The following PTCHD4 variants were observed in gnomAD, a reference collection of about 807,000 sequenced individuals.
The protein encoded by PTCHD4 is patched domain-containing protein 4.
PTCHD4 carries 33 observed loss-of-function variants against 58.1 expected under a neutral mutation model. The observed-to-expected ratio is 0.57, with a 90% CI of 0.43 to 0.76. The LOEUF (loss-of-function observed/expected upper bound fraction) is 0.76. Among genes scored for constraint, PTCHD4 ranks in the 30% least tolerant of loss-of-function variants. The pLI is 0.00. For missense variants in PTCHD4, 1,058 were observed against 1,027.1 expected (o/e 1.03, Z -0.41); for synonymous variants, 478 against 409.6 (o/e 1.17, Z -2.02).
At chr6:47,956,974 G>A (rs933883675) in intron 4 of PTCHD4, among the ~76,000 whole-genome samples, 5 of 151,726 alleles carry the variant, frequency 3.3e-5, no homozygotes, top group Admixed American at 3.3e-4. Context: ...GACCAGCCTG[G>A]CCAACATGGT....
Position 47,867,169 on chromosome 6 carries a change from T to C in PTCHD4, c.*11134A>G, listed in dbSNP as rs1031705295. 1.3e-5 allele frequency among the ~76,000 whole-genome samples: 2 copies of C among 151,756 alleles called. No homozygotes were observed. The highest frequency in any genetic ancestry group is 1.3e-4 in the Admixed American group (2 of 15,198). On this transcript the variant is annotated 3_prime_UTR_variant, in exon 5 of 5. Transcript: ENST00000339488. ...TTAACAGAGATAGTTAATTGGAGTG[T>C]ATTAGTTTGAGCTGTTTGTTCTGGA...
At chr6:47,919,175 C>T (rs547943143) in intron 4 of PTCHD4, among the ~76,000 whole-genome samples, 32 of 152,172 alleles carry the variant, frequency 2.1e-4, no homozygotes, top group African/African-American at 7.5e-4. Flanking sequence ...AGCAATTGAA[C>T]CCAAACTCAC....
At chr6:48,103,761 C>G (rs1582142338) in intron 1 of PTCHD4, among the ~76,000 whole-genome samples, 1 of 152,240 alleles carries the variant, frequency 6.6e-6, no homozygotes, top group East Asian at 1.9e-4. Context: ...CTTAAAGGAA[C>G]TGATGGAGCT....
At chr6:47,992,327 G>A (rs895286288) in intron 4 of PTCHD4, among the ~76,000 whole-genome samples, 15 of 152,016 alleles carry the variant, frequency 9.9e-5, no homozygotes, top group African/African-American at 1.4e-4. Flanking sequence ...ACATATGCAC[G>A]CACGTAATAA....
chr6:47,999,246 C>A (rs766945932), intron 4 of PTCHD4, among the ~76,000 whole-genome samples: 1 of 152,174 alleles, frequency 6.6e-6, no homozygotes, highest in African/African-American at 2.4e-5. Flanking sequence ...GAGGCAGGAG[C>A]TGGACTGGAC....
intron 4 of PTCHD4, among the ~76,000 whole-genome samples, chr6:47,930,207 G>A (rs1765765325): frequency 6.6e-6 from 1 of 152,130 alleles, no homozygotes; most frequent in Non-Finnish European, 1.5e-5. Context: ...CTCTCTGAAA[G>A]GGTAAAAAAG....
chr6:48,086,647 G>A (rs1352104815), intron 1 of PTCHD4, among the ~76,000 whole-genome samples: 1 of 152,094 alleles, frequency 6.6e-6, no homozygotes, highest in African/African-American at 2.4e-5. Flanking sequence ...GTGTCTATGA[G>A]TAGGAGACAG....
At chr6:48,050,533 C>T (rs1160024379) in intron 3 of PTCHD4, among the ~76,000 whole-genome samples, 1 of 152,028 alleles carries the variant, frequency 6.6e-6, no homozygotes. Context: ...TAACAAGTTA[C>T]TTAACTATCT....
At chr6:48,041,694 C>T (rs115019924) in intron 3 of PTCHD4, among the ~76,000 whole-genome samples, 1,668 of 152,080 alleles carry the variant, frequency 0.011, 12 homozygotes, top group Non-Finnish European at 0.019. Context: ...AGCCCCCTTA[C>T]TTCCTGTTGA....
chr6:47,946,073 G>A (rs1184068035), intron 4 of PTCHD4, among the ~76,000 whole-genome samples: 3 of 151,914 alleles, frequency 2.0e-5, no homozygotes, highest in Non-Finnish European at 2.9e-5. Flanking sequence ...AGAGAATGTG[G>A]TAAATATGAT....
chr6:47,943,458 G>A (rs1448430171), intron 4 of PTCHD4, among the ~76,000 whole-genome samples: 1 of 152,064 alleles, frequency 6.6e-6, no homozygotes, highest in Non-Finnish European at 1.5e-5. Flanking sequence ...ATCCAGAGAG[G>A]AAAAATTTAC....
chr6:47,883,434 G>C (rs1051661288), intron 4 of PTCHD4, among the ~76,000 whole-genome samples: 3 of 151,992 alleles, frequency 2.0e-5, no homozygotes, highest in Admixed American at 6.6e-5. Flanking sequence ...TTCTATTGTC[G>C]TATAATGAGA....
chr6:48,064,769 G>C (rs773060241), intron 3 of PTCHD4, among the ~76,000 whole-genome samples: 9 of 152,204 alleles, frequency 5.9e-5, no homozygotes, highest in Non-Finnish European at 1.2e-4. Flanking sequence ...GTTGGGGTGG[G>C]GAAAGTGAAT....
rs1472249380 is a variant in PTCHD4, at chr6:48,061,574, T to A, written c.417+6656A>T. On this transcript the variant is annotated intron_variant, in intron 3 of 4. Transcript: ENST00000339488. Reference sequence around the variant, plus strand: ...GCATATTAATCATCTGGGGAGCTTGTTGAAATGCAGATTCTGATCAGTAGG... The same window carrying A: ...GCATATTAATCATCTGGGGAGCTTGATGAAATGCAGATTCTGATCAGTAGG... Among the ~76,000 whole-genome samples the A allele has an allele frequency of 5.3e-5, 8 of 152,316 alleles. No individual in the cohort carries two copies. The East Asian group carries it at 1.5e-3, about 29-fold the overall frequency.
At chr6:48,016,368 A>G (rs923601181) in intron 3 of PTCHD4, among the ~76,000 whole-genome samples, 4 of 152,024 alleles carry the variant, frequency 2.6e-5, no homozygotes, top group African/African-American at 9.7e-5. Context: ...AGCGAATGAC[A>G]TGATTTACTT....
chr6:47,936,653 T>A (rs1198313616), intron 4 of PTCHD4, among the ~76,000 whole-genome samples: 2 of 152,222 alleles, frequency 1.3e-5, no homozygotes, highest in African/African-American at 4.8e-5. Flanking sequence ...CTTTACTTAG[T>A]CCTTGTTCAT....
At chr6:48,073,720 T>C (rs1277978417) in intron 1 of PTCHD4, among the ~76,000 whole-genome samples, 2 of 152,122 alleles carry the variant, frequency 1.3e-5, no homozygotes, top group East Asian at 3.9e-4. Context: ...AGCCTATGAG[T>C]TGCAGAGTTG....
At chr6:47,888,518 A>G (rs890481683) in intron 4 of PTCHD4, among the ~76,000 whole-genome samples, 2 of 152,230 alleles carry the variant, frequency 1.3e-5, no homozygotes, top group African/African-American at 4.8e-5. Context: ...TTCTCATTGT[A>G]TAATTTTCAG....
intron 1 of PTCHD4, among the ~76,000 whole-genome samples, chr6:48,092,253 C>A (rs2113903471): frequency 6.6e-6 from 1 of 152,250 alleles, no homozygotes; most frequent in African/African-American, 2.4e-5. Context: ...AGCCATGGTT[C>A]CTTTATTATC....
Sources: allele counts gnomAD v4.1 joint callset (sites outside exome capture counted in the v4.1 genomes callset), GRCh38; gene constraint gnomAD v4.1.1; transcripts MANE v1.5; gene names NCBI Gene and HGNC (gene_info 2026-07-23, HGNC 2026-07-21).